Variants in NRG1 observed in about 807,000 individuals in gnomAD.
The protein encoded by NRG1 is pro-neuregulin-1, membrane-bound isoform.
A neutral mutation model predicts 63.8 loss-of-function variants in NRG1; 18 were observed. The ratio of observed to expected loss-of-function variants is 0.28; its 90% confidence interval spans 0.19 to 0.42. The LOEUF (loss-of-function observed/expected upper bound fraction) is 0.42, where lower values mean the gene tolerates loss of function less well. Among genes scored for constraint, NRG1 ranks in the 10% least tolerant of loss-of-function variants. NRG1 has a pLI of 1.00. For missense variants in NRG1, 762 were observed against 814.7 expected (o/e 0.94, Z 0.79); for synonymous variants, 302 against 301.3 (o/e 1.00, Z -0.02).
At chr8:32,618,144 A>G (rs935956730) in intron 5 of NRG1, among the ~76,000 whole-genome samples, 17 of 152,164 alleles carry the variant, frequency 1.1e-4, no homozygotes, top group African/African-American at 3.9e-4. Flanking sequence ...CTACTTATAA[A>G]AAGATTAGTA....
chr8:32,173,144 A>C (rs945871377), intron 1 of NRG1, among the ~76,000 whole-genome samples: 5 of 152,192 alleles, frequency 3.3e-5, no homozygotes, highest in Non-Finnish European at 5.9e-5. Flanking sequence ...TGATCCTCTC[A>C]GCAGAAACTC....
intron 1 of NRG1, among the ~76,000 whole-genome samples, chr8:32,521,133 A>T (rs1830303023): frequency 6.6e-6 from 1 of 152,198 alleles, no homozygotes; most frequent in Admixed American, 6.5e-5. Context: ...AAAATAGTAT[A>T]TATAGGGTTT....
chr8:31,790,410 T>C (rs1503493), intron 1 of NRG1, among the ~76,000 whole-genome samples: 147,141 of 152,202 alleles, frequency 0.97, 71,309 homozygotes, highest in East Asian at 1. Flanking sequence ...CTCTAAACCC[T>C]ATCACAACTT....
At chr8:32,103,429 A>G (rs896822308) in intron 1 of NRG1, among the ~76,000 whole-genome samples, 4 of 152,194 alleles carry the variant, frequency 2.6e-5, no homozygotes, top group Non-Finnish European at 4.4e-5. Flanking sequence ...TTGTCCATTC[A>G]TGTGTTGATG....
At chr8:31,919,510 G>A (rs1383892153) in intron 1 of NRG1, among the ~76,000 whole-genome samples, 1 of 151,708 alleles carries the variant, frequency 6.6e-6, no homozygotes, top group Non-Finnish European at 1.5e-5. Flanking sequence ...TTATAATAGT[G>A]ACAATTTACA....
intron 1 of NRG1, among the ~76,000 whole-genome samples, chr8:32,095,325 C>A (rs1231046206): frequency 1.3e-5 from 2 of 152,186 alleles, no homozygotes. Context: ...GACAACCTCT[C>A]ATCATCTCGT....
At chr8:32,167,905 A>G (rs1839569571) in intron 1 of NRG1, among the ~76,000 whole-genome samples, 1 of 152,238 alleles carries the variant, frequency 6.6e-6, no homozygotes, top group Non-Finnish European at 1.5e-5. Flanking sequence ...CAGCAAGGGA[A>G]TGAAAAGGAA....
At chr8:31,916,451 G>A (rs369349163) in intron 1 of NRG1, among the ~76,000 whole-genome samples, 5 of 152,100 alleles carry the variant, frequency 3.3e-5, no homozygotes, top group South Asian at 2.1e-4. Flanking sequence ...GAGAATATGC[G>A]GTGTTTGGTT....
At position 31,740,713 on chromosome 8, in the gene NRG1, A is replaced by G. The variant is rs768519040; in HGVS notation, c.37+101282A>G. ...AGAGAGAGAGAGAGAGAGGGACCAC[A>G]AAGTCTCTGATGTTAACAAATACAA... On this transcript the variant is annotated intron_variant, in intron 1 of 10. Coordinates refer to the NRG1 transcript ENST00000519301. Among the ~76,000 whole-genome samples, 10 of 151,810 alleles carry G rather than the reference A, an allele frequency of 6.6e-5. No individual in the cohort carries two copies. In the East Asian group the frequency reaches 1.2e-3, roughly 18 times the overall value.
intron 1 of NRG1, among the ~76,000 whole-genome samples, chr8:32,497,176 G>A (rs918412815): frequency 6.6e-6 from 1 of 152,122 alleles, no homozygotes; most frequent in Non-Finnish European, 1.5e-5. Flanking sequence ...CCCAGGCACG[G>A]TGGCTCACGC....
In NRG1 at chr8:31,880,385, C is replaced by T. The variant is rs118105506; in HGVS notation, c.37+240954C>T. Among the ~76,000 whole-genome samples the T allele has an allele frequency of 3.8e-3, 580 of 152,158 alleles. 1 individual carries two copies. The highest frequency in any genetic ancestry group is 0.024 in the Middle Eastern group (7 of 292). On this transcript the variant is annotated intron_variant, in intron 1 of 10. Coordinates refer to the NRG1 transcript ENST00000519301. ...GACAAACATGGGTTTTGGCAGCATA[C>T]GACCATGAATTAACATTATATTTCC...
intron 1 of NRG1, among the ~76,000 whole-genome samples, chr8:32,182,387 C>T (rs1002022922): frequency 1.3e-5 from 2 of 152,156 alleles, no homozygotes; most frequent in African/African-American, 4.8e-5. Flanking sequence ...GCTGGGATTA[C>T]AGGCATGCGC....
At chr8:32,409,587 C>G (rs1329647809) in intron 1 of NRG1, among the ~76,000 whole-genome samples, 1 of 152,054 alleles carries the variant, frequency 6.6e-6, no homozygotes, top group Non-Finnish European at 1.5e-5. Context: ...GAGCCAACAC[C>G]CAGGATTCCA....
intron 1 of NRG1, among the ~76,000 whole-genome samples, chr8:31,799,487 C>A (rs1364508928): frequency 1.3e-5 from 2 of 152,132 alleles, no homozygotes; most frequent in East Asian, 3.9e-4. Flanking sequence ...ACTACCTTTA[C>A]AAATTAGGAA....
intron 1 of NRG1, among the ~76,000 whole-genome samples, chr8:31,846,126 A>T (rs934209801): frequency 1.3e-5 from 2 of 152,260 alleles, no homozygotes; most frequent in African/African-American, 4.8e-5. Flanking sequence ...ACTGCTGATA[A>T]GACCTTCTCA....
intron 1 of NRG1, among the ~76,000 whole-genome samples, chr8:32,299,992 A>G (rs562988787): frequency 7.8e-4 from 119 of 152,314 alleles, no homozygotes; most frequent in Non-Finnish European, 1.6e-3. Context: ...AGATTGAATC[A>G]TTTTGGATGG....
exon 10 of NRG1, chr8:32,759,319 A>G (rs761492304): frequency 2.5e-6 from 4 of 1,613,728 alleles, no homozygotes; most frequent in Non-Finnish European, 3.4e-6. Context: ...TACGTATCTA[A>G]AAACGTCATC....
intron 1 of NRG1, among the ~76,000 whole-genome samples, chr8:32,234,896 C>A (rs368856196): frequency 6.6e-6 from 1 of 152,070 alleles, no homozygotes. Flanking sequence ...GATTCTTAAT[C>A]TCATACATAA....
intron 1 of NRG1, among the ~76,000 whole-genome samples, chr8:32,499,570 A>G (rs1827613306): frequency 6.6e-6 from 1 of 152,124 alleles, no homozygotes; most frequent in Admixed American, 6.6e-5. Flanking sequence ...ACTACTCAGG[A>G]GGCTGAGGTG....
Sources: allele counts gnomAD v4.1 joint callset (sites outside exome capture counted in the v4.1 genomes callset), GRCh38; gene constraint gnomAD v4.1.1; transcripts MANE v1.5; gene names NCBI Gene and HGNC (gene_info 2026-07-23, HGNC 2026-07-21).